Variants in PPIE observed in about 807,000 individuals in gnomAD.
PPIE encodes the protein peptidyl-prolyl cis-trans isomerase E.
In PPIE, 20 loss-of-function variants were observed where a neutral mutation model predicts 38.4. That is an observed-to-expected ratio of 0.52 (90% CI 0.37 to 0.76). PPIE has a LOEUF of 0.76. Ranked by LOEUF, PPIE falls within the 30% of genes least tolerant of loss-of-function variation. The pLI is 0.00. For synonymous variants in PPIE, 142 were observed against 135.7 expected, an observed-to-expected ratio of 1.05 and a Z score of -0.32; for missense variants, 322 against 385.8, an observed-to-expected ratio of 0.83 and a Z score of 1.39.
At chr1:39,745,697 G>T in intron 7 of PPIE, 199 bp downstream of exon 7, 1 of 685,070 alleles carries the variant, frequency 1.5e-6, no homozygotes. Context: ...CTGGCTTACT[G>T]TTTTTTAATC....
intron 8 of PPIE, among the ~76,000 whole-genome samples, chr1:39,750,299 C>A (rs1225734395): frequency 3.3e-5 from 5 of 152,170 alleles, no homozygotes; most frequent in Non-Finnish European, 7.3e-5. Context: ...AGGCAGACTT[C>A]TAGTCCCATC....
intron 4 of PPIE, chr1:39,742,490 C>CT (rs5773671): frequency 0.34 from 36,035 of 105,766 alleles, 5,903 homozygotes; most frequent in African/African-American, 0.38. Context: ...TTCTTTCTTT[C>CT]TTTTTTTTTT....
chr1:39,743,267 A>G lies in PPIE; in HGVS notation c.253A>G (p.Met85Val), dbSNP rs1332295014. The G allele has an allele frequency of 9.3e-6, 15 of 1,614,082 alleles. No individual in the cohort carries two copies. Among genetic ancestry groups the G allele is most frequent in the Non-Finnish European group, 1.2e-5 (14 of 1,180,010 alleles). ...RTIRVNLAKPMRIKEGSSRPV... is the reference protein window; with the variant it reads ...RTIRVNLAKPVRIKEGSSRPV... ...AATTCGTGTCAATTTGGCCAAACCA[A>G]TGAGAATTAAGGAAGGCTCTTCCAG... Residue 85 changes from methionine (M) to valine (V), a missense_variant, in exon 5 of 10, where the codon ATG (methionine) becomes GTG (valine). By Grantham distance (21) the Met-to-Val change is conservative. Coordinates refer to ENST00000324379, the MANE Select transcript of PPIE (RefSeq NM_006112.4).
rs1048839887 is a variant in PPIE at position 39,754,222 on chromosome 1, G to A, written c.*867G>A. The A allele has an allele frequency of 2.0e-5, 7 of 351,064 alleles. No homozygotes were observed. Among genetic ancestry groups the A allele is most frequent in the East Asian group, 1.7e-4 (1 of 6,018 alleles). The allele number at this position is 351,064 out of a possible 1,614,324, so 21.7% of individuals were successfully genotyped here. A position where few individuals can be genotyped will look rare whatever the true frequency, so the allele number is the denominator to read the frequency against. On this transcript the variant is annotated 3_prime_UTR_variant, in exon 10 of 10. Transcript: ENST00000324379. ...TTTCTTACTGCAGTGGCAGAGGTGC[G>A]TAAGGGGCTATAGACACAATACAGG... is the stretch of plus-strand genomic sequence containing the variant.
chr1:39,743,899 A>T lies in PPIE; in HGVS notation c.359A>T (p.Glu120Val). The T allele has an allele frequency of 1.2e-6, 2 of 1,613,348 alleles. No individual in the cohort carries two copies. Among genetic ancestry groups the T allele is most frequent in the Middle Eastern group, 1.6e-4 (1 of 6,062 alleles). The change falls in exon 6 of 10, where the codon GAG becomes GTG. Residue 120 changes from glutamate (E) to valine (V), a missense_variant. Physicochemically the swap from Glu to Val is moderately radical, Grantham distance 121. Coordinates refer to ENST00000324379, the MANE Select transcript of PPIE (RefSeq NM_006112.4). ...GAGAATAAAGAGGAAGAAGGGTCAG[A>T]GCCTCCCAAAGCAGAGACCCAGGAG... ...LEENKEEEGS[E>V]PPKAETQEGE...
At chr1:39,763,899 G>A in exon 10 of PPIE, 1 of 1,269,232 alleles carries the variant, frequency 7.9e-7, no homozygotes. Context: ...TCAAATAAAT[G>A]AATGACAGGA....
chr1:39,741,512 G>A, intron 3 of PPIE, 103 bp downstream of exon 3: 2 of 1,183,904 alleles, frequency 1.7e-6, no homozygotes, highest in Non-Finnish European at 2.5e-6. Context: ...GCCTTAGGCT[G>A]ATGCTTCCAG....
rs1393644184 is a variant in PPIE, at chr1:39,749,096, C to T, written c.694+8C>T. 1.3e-6 allele frequency: 2 copies of T among 1,579,284 alleles called. No individual in the cohort carries two copies. Among genetic ancestry groups the T allele is most frequent in the South Asian group, 1.2e-5 (1 of 84,368 alleles). On this transcript the variant is annotated splice_region_variant and intron_variant, in intron 8 of 9. Coordinates refer to ENST00000324379, the MANE Select transcript of PPIE (RefSeq NM_006112.4). ...TCAAGCATACGGGACCAGGTAGGAG[C>T]CAGTTGGCATGTGGTGACGAGGGAG...
At chr1:39,747,397 G>A (rs1647256689) in intron 7 of PPIE, 1 of 150,824 alleles carries the variant, frequency 6.6e-6, no homozygotes, top group African/African-American at 2.4e-5. Flanking sequence ...CACAGTGGCT[G>A]GACCATTTTA....
At position 39,743,175 on chromosome 1, in the gene PPIE, A is replaced by G. The variant is rs1484422171; in HGVS notation, c.202-41A>G. On this transcript the variant is annotated intron_variant, in intron 4 of 9. Coordinates refer to ENST00000324379, the MANE Select transcript of PPIE (RefSeq NM_006112.4). ...TGGAAAGCTGGCTGGCCCTCTTTTA[A>G]CCTAAGAGAGTTTAAGCAGCTGGAT... The G allele has an allele frequency of 3.8e-6, 6 of 1,565,244 alleles. No homozygotes were observed. The African/African-American group carries it at 8.1e-5, about 21-fold the overall frequency.
chr1:39,750,054 A>T (rs1647553625), intron 8 of PPIE, among the ~76,000 whole-genome samples: 1 of 151,894 alleles, frequency 6.6e-6, no homozygotes, highest in South Asian at 2.1e-4. Flanking sequence ...AATCACTTGA[A>T]CCTGGGAGGC....
intron 1 of PPIE, 133 bp downstream of exon 1, chr1:39,739,064 G>A (rs1005186216): frequency 6.9e-6 from 7 of 1,014,784 alleles, no homozygotes; most frequent in African/African-American, 5.1e-5. Flanking sequence ...CGGTAGTGCT[G>A]GCGATAGCTC....
chr1:39,743,558 T>C (rs536041910), intron 5 of PPIE, among the ~76,000 whole-genome samples: 2 of 152,308 alleles, frequency 1.3e-5, no homozygotes, highest in African/African-American at 2.4e-5. Context: ...TTTCTTGATA[T>C]TCCATTCCTG....
At chr1:39,742,013 T>C in intron 4 of PPIE, 92 bp downstream of exon 4, 1 of 1,411,302 alleles carries the variant, frequency 7.1e-7, no homozygotes, top group Non-Finnish European at 9.9e-7. Context: ...CTTCCAAAGT[T>C]ACAAGGTTGC....
Position 39,753,605 on chromosome 1 carries a change from C to A in PPIE, c.*250C>A, listed in dbSNP as rs1647986822. ...ACCATGGGCAGGCTGTGCAAAAAGC[C>A]ACTGGCTTTTCTCAGCATTTGCTGC... is the stretch of plus-strand genomic sequence containing the variant. On this transcript the variant is annotated 3_prime_UTR_variant, in exon 10 of 10. Transcript: ENST00000324379. 1.5e-6 allele frequency: 2 copies of A among 1,345,480 alleles called. No homozygotes were observed. The highest frequency in any genetic ancestry group is 2.0e-5 in the South Asian group (1 of 50,376). 83.3% of individuals were successfully genotyped at this position (1,345,480 alleles called of 1,614,324 possible). A position where few individuals can be genotyped will look rare whatever the true frequency, so the allele number is the denominator to read the frequency against.
At position 39,753,516 on chromosome 1, in the gene PPIE, G is replaced by T; in HGVS notation, c.*161G>T. On this transcript the variant is annotated 3_prime_UTR_variant, in exon 10 of 10. Transcript: ENST00000324379. ...TCTGCTTGGAGCAGCTCCTCTGCAG[G>T]CACAGCCTGGACTATTCCCAGGCAC... is the stretch of plus-strand genomic sequence containing the variant. 7.0e-7 allele frequency: 1 copy of T among 1,436,776 alleles called. No homozygotes were observed. The highest frequency in any genetic ancestry group is 9.1e-7 in the Non-Finnish European group (1 of 1,099,018). The allele number at this position is 1,436,776 out of a possible 1,614,324, so 89.0% of individuals were successfully genotyped here.
At chr1:39,739,050 C>T (rs1646992444) in intron 1 of PPIE, 119 bp downstream of exon 1, 2 of 1,156,426 alleles carry the variant, frequency 1.7e-6, no homozygotes, top group African/African-American at 3.2e-5. Context: ...GGCCGGGTCT[C>T]TGGCGGTAGT....
chr1:39,754,092 A>G lies in PPIE; in HGVS notation c.*737A>G, dbSNP rs1648035901. ...TATGCCTATTTGTCAGGAGACAGGA[A>G]GCCAACAAACTACATGTGCCTAATC... On this transcript the variant is annotated 3_prime_UTR_variant, in exon 10 of 10. Transcript: ENST00000324379. 1 of 983,942 alleles carries G rather than the reference A, an allele frequency of 1.0e-6. No homozygotes were observed. The highest frequency in any genetic ancestry group is 1.2e-6 in the Non-Finnish European group (1 of 828,652). 61.0% of individuals were successfully genotyped at this position (983,942 alleles called of 1,614,324 possible). A position where few individuals can be genotyped will look rare whatever the true frequency, so the allele number is the denominator to read the frequency against.
Position 39,753,911 on chromosome 1 carries a change from C to T in PPIE, c.*556C>T, listed in dbSNP as rs919095966. 1.1e-4 allele frequency: 111 copies of T among 985,400 alleles called. No individual in the cohort carries two copies. Among genetic ancestry groups the T allele is most frequent in the South Asian group, 1.4e-4 (3 of 21,284 alleles). The allele number at this position is 985,400 out of a possible 1,614,324, so 61.0% of individuals were successfully genotyped here. A position where few individuals can be genotyped will look rare whatever the true frequency, so the allele number is the denominator to read the frequency against. Reference sequence around the variant, plus strand: ...ACGGAAATTAAAGACTGGAAAGCTCCGGTCTTCTGCTGCCTCTGCTCCTAA... The same window carrying T: ...ACGGAAATTAAAGACTGGAAAGCTCTGGTCTTCTGCTGCCTCTGCTCCTAA... On this transcript the variant is annotated 3_prime_UTR_variant, in exon 10 of 10. Transcript: ENST00000324379.
Sources: gnomAD v4.1 joint callset for allele counts (sites outside exome capture counted in the v4.1 genomes callset) on GRCh38, gnomAD v4.1.1 for gene constraint, MANE v1.5 for transcripts, NCBI Gene and HGNC (gene_info 2026-07-23, HGNC 2026-07-21) for gene names.